GMEB2: variants seen among roughly 807,000 people sequenced by gnomAD.
The protein encoded by GMEB2 is glucocorticoid modulatory element binding protein 2, also known as glucocorticoid modulatory element-binding protein 2.
Under a neutral mutation model 45.7 loss-of-function variants are expected in GMEB2, and 7 were observed. That is an observed-to-expected ratio of 0.15 (90% confidence interval 0.09 to 0.29). The LOEUF is 0.29. Ranked by LOEUF, GMEB2 falls within the 10% of genes least tolerant of loss-of-function variation. The pLI, the probability that GMEB2 is intolerant of heterozygous loss-of-function variation, is 1.00. For synonymous variants in GMEB2, 322 were observed against 323.6 expected (o/e 1.00, Z 0.05); for missense variants, 582 against 739.2 (o/e 0.79, Z 2.47).
rs1385562645 is a variant in GMEB2 at position 63,619,720 on chromosome 20, G to C, written c.-57-266C>G. The C allele has an allele frequency of 5.3e-6, 1 of 188,028 alleles. No individual in the cohort carries two copies. Among genetic ancestry groups the C allele is most frequent in the Non-Finnish European group, 1.1e-5 (1 of 90,588 alleles). 11.6% of individuals were successfully genotyped at this position (188,028 alleles called of 1,614,324 possible). A position where few individuals can be genotyped will look rare whatever the true frequency, so the allele number is the denominator to read the frequency against. ...AGCCACTCCCTCCACGTGGGGCTCA[G>C]AGCAGGAGGACAGGAGGGGCCTGGA... On this transcript the variant is annotated intron_variant, in intron 1 of 9. Transcript: ENST00000370077. The surrounding 1 kb of genome is among the most constrained non-coding windows in gnomAD (Gnocchi z 4.6).
Position 63,603,037 on chromosome 20 carries a change from G to A in GMEB2, c.285C>T (p.Thr95=), listed in dbSNP as rs1353785189. The change falls in exon 4 of 10, where the codon ACC becomes ACT. Residue 95 remains threonine, a synonymous_variant. Transcript: ENST00000370077. ...TGAGGTTGGCTCTGCTGTCTCCACA[G>A]GTGATGGGGTACACAATCTCAGCTT... The part of the protein sequence containing the change: ...NLEAEIVYPI[T]CGDSRANLIW... 6.2e-7 allele frequency: 1 copy of A among 1,613,848 alleles called. No individual in the cohort carries two copies. Among genetic ancestry groups the A allele is most frequent in the South Asian group, 1.1e-5 (1 of 91,078 alleles).
Position 63,619,538 on chromosome 20 carries a change from C to T in GMEB2, c.-57-84G>A, listed in dbSNP as rs45479102. 0.015 allele frequency: 11,346 copies of T among 739,410 alleles called. 160 individuals are homozygous for T. Among genetic ancestry groups the T allele is most frequent in the South Asian group, 0.048 (2,292 of 47,970 alleles). 45.8% of individuals were successfully genotyped at this position (739,410 alleles called of 1,614,324 possible). On this transcript the variant is annotated intron_variant, in intron 1 of 9. Transcript: ENST00000370077. This position sits in a 1 kb window ranked among gnomAD's most constrained non-coding sequence, Gnocchi z 4.6. ...CACTCACAAAGGCATCTCTAATCAG[C>T]TCCAAAGACCCACCCTTGAGTCCCA...
At chr20:63,595,504 G>A in intron 6 of GMEB2, 106 bp downstream of exon 6, 1 of 1,004,830 alleles carries the variant, frequency 1.0e-6, no homozygotes, top group Non-Finnish European at 1.5e-6. Flanking sequence ...GGCAGTCCTG[G>A]CGTGAGCAAA....
intron 2 of GMEB2, among the ~76,000 whole-genome samples, chr20:63,615,603 G>T (rs1397587827): frequency 6.6e-6 from 1 of 152,176 alleles, no homozygotes; most frequent in Non-Finnish European, 1.5e-5. Flanking sequence ...TCAGATTACA[G>T]GCAGGAGCCA....
chr20:63,602,841 C>G, intron 4 of GMEB2, 124 bp downstream of exon 4: 1 of 816,310 alleles, frequency 1.2e-6, no homozygotes, highest in South Asian at 1.7e-5. Flanking sequence ...CTTCCCGCAC[C>G]TCCTTCACTC....
chr20:63,613,557 T>C (rs1187566407), intron 2 of GMEB2, among the ~76,000 whole-genome samples: 4 of 150,960 alleles, frequency 2.6e-5, no homozygotes, highest in Non-Finnish European at 5.9e-5. Context: ...TCTCGCTCTG[T>C]CACCCAGGCT....
Position 63,589,939 on chromosome 20 carries a change from C to T in GMEB2, c.*150G>A, listed in dbSNP as rs1352150810. On this transcript the variant is annotated 3_prime_UTR_variant, in exon 10 of 10. Coordinates refer to ENST00000370077, the MANE Select transcript of GMEB2 (RefSeq NM_012384.5). ...GCTGTTCTGTCCCCTTCTCTCTTCT[C>T]GTGATTTGTTTTGGCGATTCCTCTC... The T allele has an allele frequency of 5.3e-6, 3 of 563,068 alleles. No homozygotes were observed. Among genetic ancestry groups the T allele is most frequent in the East Asian group, 3.2e-5 (1 of 31,454 alleles). 34.9% of individuals were successfully genotyped at this position (563,068 alleles called of 1,614,324 possible).
chr20:63,617,208 T>C (rs1371407129), intron 2 of GMEB2, among the ~76,000 whole-genome samples: 3 of 152,090 alleles, frequency 2.0e-5, no homozygotes, highest in African/African-American at 7.2e-5. Flanking sequence ...TGAACTGGGC[T>C]CAAGTGATCT....
chr20:63,624,096 C>T (rs530108170), intron 1 of GMEB2, among the ~76,000 whole-genome samples: 1 of 149,320 alleles, frequency 6.7e-6, no homozygotes, highest in South Asian at 2.1e-4. Flanking sequence ...GGCGACAGAG[C>T]AAGACCCTGT....
chr20:63,591,075 G>A (rs1051257757), intron 9 of GMEB2, among the ~76,000 whole-genome samples: 2 of 152,210 alleles, frequency 1.3e-5, no homozygotes, highest in East Asian at 3.8e-4. Flanking sequence ...ATCCCCGCAT[G>A]AGCTTTCACA....
chr20:63,624,018 G>A (rs2089654800), intron 1 of GMEB2, among the ~76,000 whole-genome samples: 1 of 151,868 alleles, frequency 6.6e-6, no homozygotes, highest in South Asian at 2.1e-4. Context: ...GCTGAAGTGA[G>A]AGAACTGCTT....
At chr20:63,599,935 A>G (rs1310232900) in intron 4 of GMEB2, among the ~76,000 whole-genome samples, 1 of 152,210 alleles carries the variant, frequency 6.6e-6, no homozygotes, top group Non-Finnish European at 1.5e-5. Flanking sequence ...TCTCTTACGC[A>G]GCCACAGAAC....
At position 63,588,762 on chromosome 20, in the gene GMEB2, C is replaced by G. The variant is rs889303451; in HGVS notation, c.*1327G>C. The G allele has an allele frequency of 1.5e-5, 6 of 398,610 alleles. No individual in the cohort carries two copies. Among genetic ancestry groups the G allele is most frequent in the Non-Finnish European group, 2.2e-5 (5 of 226,118 alleles). 24.7% of individuals were successfully genotyped at this position (398,610 alleles called of 1,614,324 possible). A position where few individuals can be genotyped will look rare whatever the true frequency, so the allele number is the denominator to read the frequency against. On this transcript the variant is annotated 3_prime_UTR_variant, in exon 10 of 10. Transcript: ENST00000370077. Reference sequence around the variant, plus strand: ...AATCAGCAGGAGCGTCCAGGGGAATCTGGCACTCAGGGTCCTCCCGGGACA... The same window carrying G: ...AATCAGCAGGAGCGTCCAGGGGAATGTGGCACTCAGGGTCCTCCCGGGACA...
At position 63,592,767 on chromosome 20, in the gene GMEB2, C is replaced by T. The variant is rs942604630; in HGVS notation, c.692-97G>A. ...GACATCACCATAGCCACGAGGACAC[C>T]ATGCCAGAGCCGGCAGCGCCTGGCA... On this transcript the variant is annotated intron_variant, in intron 7 of 9. Transcript: ENST00000370077. This position sits in a 1 kb window ranked among gnomAD's most constrained non-coding sequence, Gnocchi z 8.2. 11 of 1,039,486 alleles carry T rather than the reference C, an allele frequency of 1.1e-5. No homozygotes were observed. The highest frequency in any genetic ancestry group is 3.1e-5 in the African/African-American group (2 of 63,546). The allele number at this position is 1,039,486 out of a possible 1,614,324, so 64.4% of individuals were successfully genotyped here. A position where few individuals can be genotyped will look rare whatever the true frequency, so the allele number is the denominator to read the frequency against.
chr20:63,599,189 C>A (rs1251219901), intron 4 of GMEB2, among the ~76,000 whole-genome samples: 1 of 149,550 alleles, frequency 6.7e-6, no homozygotes, highest in African/African-American at 2.6e-5. Flanking sequence ...CGCTCCTGAC[C>A]CCCCGGAGCT....
In GMEB2 at chr20:63,589,983, G is replaced by A. The variant is rs900385146; in HGVS notation, c.*106C>T. 6.7e-5 allele frequency: 62 copies of A among 920,828 alleles called. No individual in the cohort carries two copies. The African/African-American group carries it at 7.8e-4, about 12-fold the overall frequency. The allele number at this position is 920,828 out of a possible 1,614,324, so 57.0% of individuals were successfully genotyped here. A position where few individuals can be genotyped will look rare whatever the true frequency, so the allele number is the denominator to read the frequency against. On this transcript the variant is annotated 3_prime_UTR_variant, in exon 10 of 10. Transcript: ENST00000370077. ...TCCTCTCTTTGGTTCTGCAGACCAC[G>A]TGACCCACCTGCCCGAGCCAGCCCT...
At chr20:63,596,643 TC>T (rs2083202694) in intron 5 of GMEB2, among the ~76,000 whole-genome samples, 1 of 152,148 alleles carries the variant, frequency 6.6e-6, no homozygotes, top group South Asian at 2.1e-4. Flanking sequence ...AAACTCTGAC[TC>T]CAGCACAAAG....
intron 4 of GMEB2, among the ~76,000 whole-genome samples, chr20:63,598,329 C>G (rs2083215051): frequency 7.0e-6 from 1 of 143,616 alleles, no homozygotes; most frequent in South Asian, 2.3e-4. Flanking sequence ...AACACCGGCA[C>G]CTGCTCTCAC....
chr20:63,592,050 C>T lies in GMEB2; in HGVS notation c.924G>A (p.Ser308=), dbSNP rs777002876. ...CCAGGTCCCGGGCGTACTGCTCCCG[C>T]GAGCGGTCCATCTGGCACTTGTGGC... The part of the protein sequence containing the change: ...LASHKCQMDR[S]REQYARDLAA... The change falls in exon 9 of 10, where the codon TCG becomes TCA. Residue 308 remains serine (S), a synonymous_variant. Coordinates refer to ENST00000370077, the MANE Select transcript of GMEB2 (RefSeq NM_012384.5). This position sits in a 1 kb window ranked among gnomAD's most constrained non-coding sequence, Gnocchi z 8.2. 39 of 1,612,726 alleles carry T rather than the reference C, an allele frequency of 2.4e-5. No homozygotes were observed. Among genetic ancestry groups the T allele is most frequent in the African/African-American group, 9.3e-5 (7 of 74,928 alleles).
Sources: gnomAD v4.1 joint callset for allele counts (sites outside exome capture counted in the v4.1 genomes callset) on GRCh38, gnomAD v4.1.1 for gene constraint, Gnocchi (gnomAD v3.1) non-coding constraint, MANE v1.5 for transcripts, NCBI Gene and HGNC (gene_info 2026-07-23, HGNC 2026-07-21) for gene names.